The following LYPLAL1 variants were observed in gnomAD, a reference collection of about 807,000 sequenced individuals.
The protein encoded by LYPLAL1 is lysophospholipase like 1, also known as lysophospholipase-like protein 1.
LYPLAL1 carries 23 observed loss-of-function variants against 19.7 expected under a neutral mutation model. The observed-to-expected ratio is 1.17, with a 90% CI of 0.84 to 1.65. The LOEUF is 1.65. Ranked by LOEUF, LYPLAL1 falls within the 40% of genes most tolerant of loss-of-function variation. The pLI, the probability that LYPLAL1 is intolerant of heterozygous loss-of-function variation, is 0.00. For synonymous variants in LYPLAL1, 119 were observed against 96.3 expected, an observed-to-expected ratio of 1.24 and a Z score of -1.38; for missense variants, 355 against 279.4, an observed-to-expected ratio of 1.27 and a Z score of -1.93.
At chr1:219,312,594 G>T in the LYPLAL1 span, among the ~76,000 whole-genome samples, 3 of 152,160 alleles carry the variant, frequency 2.0e-5, no homozygotes, top group East Asian at 3.8e-4. Flanking sequence ...CAGTTCATCG[G>T]CACAGCTTCA....
chr1:219,204,181 A>G (rs1010473804), intron 3 of LYPLAL1, among the ~76,000 whole-genome samples: 12 of 152,206 alleles, frequency 7.9e-5, no homozygotes, highest in African/African-American at 2.9e-4. Context: ...TTTATGTTTC[A>G]TATGATTCTA....
At chr1:219,444,025 G>A in the LYPLAL1 span, among the ~76,000 whole-genome samples, 1 of 152,090 alleles carries the variant, frequency 6.6e-6, no homozygotes, top group Non-Finnish European at 1.5e-5. Flanking sequence ...GACATGGGGA[G>A]GACATGCAAA....
At chr1:219,341,680 CTT>C in the LYPLAL1 span, among the ~76,000 whole-genome samples, 3 of 151,978 alleles carry the variant, frequency 2.0e-5, no homozygotes, top group Non-Finnish European at 4.4e-5. Flanking sequence ...AAAGAATACA[CTT>C]ATCATTTTTT....
At chr1:219,265,573 A>G in the LYPLAL1 span, among the ~76,000 whole-genome samples, 3 of 152,198 alleles carry the variant, frequency 2.0e-5, no homozygotes, top group African/African-American at 4.8e-5. Flanking sequence ...TTTTAATAAC[A>G]TTAGCATTTT....
At chr1:219,274,192 G>A in the LYPLAL1 span, among the ~76,000 whole-genome samples, 1 of 152,190 alleles carries the variant, frequency 6.6e-6, no homozygotes, top group Non-Finnish European at 1.5e-5. Flanking sequence ...TGGGATAGTG[G>A]AGTCAATCGT....
At chr1:219,302,891 C>G in the LYPLAL1 span, among the ~76,000 whole-genome samples, 24 of 152,260 alleles carry the variant, frequency 1.6e-4, no homozygotes, top group Non-Finnish European at 3.5e-4. Context: ...CATGCATTAG[C>G]CATTCACCAC....
the LYPLAL1 span, among the ~76,000 whole-genome samples, chr1:219,412,783 C>T: frequency 6.6e-6 from 1 of 152,186 alleles, no homozygotes; most frequent in Non-Finnish European, 1.5e-5. Context: ...GTTACCGACA[C>T]AGGCAAGATG....
At chr1:219,191,741 T>TAA (rs1296986303) in intron 2 of LYPLAL1, among the ~76,000 whole-genome samples, 2 of 151,460 alleles carry the variant, frequency 1.3e-5, no homozygotes, top group African/African-American at 2.4e-5. Context: ...TATATATATA[T>TAA]AATCTCATAT....
chr1:219,251,460 A>G, the LYPLAL1 span, among the ~76,000 whole-genome samples: 1 of 151,962 alleles, frequency 6.6e-6, no homozygotes, highest in Non-Finnish European at 1.5e-5. Flanking sequence ...TGCATGTGGC[A>G]TAAGGAAAGG....
chr1:219,429,632 G>T, the LYPLAL1 span, among the ~76,000 whole-genome samples: 1 of 152,120 alleles, frequency 6.6e-6, no homozygotes, highest in African/African-American at 2.4e-5. Context: ...AGTCCAGCCT[G>T]GGTGGCAGAG....
chr1:219,210,470 A>G (rs1322341791), intron 3 of LYPLAL1, 62 bp from the exon 4 acceptor site: 2 of 1,101,436 alleles, frequency 1.8e-6, no homozygotes, highest in Non-Finnish European at 2.6e-6. Flanking sequence ...GAAAATTGTT[A>G]TATATCATAT....
chr1:219,333,295 C>T, the LYPLAL1 span, among the ~76,000 whole-genome samples: 1 of 152,188 alleles, frequency 6.6e-6, no homozygotes, highest in East Asian at 1.9e-4. Flanking sequence ...TTTGGAAGAT[C>T]CATTACTCTG....
At chr1:219,398,361 A>T in the LYPLAL1 span, among the ~76,000 whole-genome samples, 1 of 152,056 alleles carries the variant, frequency 6.6e-6, no homozygotes, top group South Asian at 2.1e-4. Context: ...AATACTTGTG[A>T]TTGTATTATG....
the LYPLAL1 span, among the ~76,000 whole-genome samples, chr1:219,362,193 C>T: frequency 6.6e-6 from 1 of 152,140 alleles, no homozygotes; most frequent in Non-Finnish European, 1.5e-5. Flanking sequence ...GACCTCTACT[C>T]CAAGCCCATT....
At chr1:219,346,170 A>C in the LYPLAL1 span, among the ~76,000 whole-genome samples, 1 of 152,158 alleles carries the variant, frequency 6.6e-6, no homozygotes, top group Admixed American at 6.5e-5. Flanking sequence ...AGCCAAGGAG[A>C]TGAGAGATCA....
the LYPLAL1 span, among the ~76,000 whole-genome samples, chr1:219,290,707 C>G: frequency 6.6e-6 from 1 of 152,154 alleles, no homozygotes; most frequent in Non-Finnish European, 1.5e-5. Context: ...AATAAACTCG[C>G]TTTCATTTTG....
chr1:219,240,952 C>A, the LYPLAL1 span, among the ~76,000 whole-genome samples: 1 of 151,642 alleles, frequency 6.6e-6, no homozygotes, highest in Admixed American at 6.6e-5. Flanking sequence ...TCCAGCTATT[C>A]AGGGACGCTT....
chr1:219,347,004 T>C, the LYPLAL1 span, among the ~76,000 whole-genome samples: 1 of 152,224 alleles, frequency 6.6e-6, no homozygotes, highest in Non-Finnish European at 1.5e-5. Context: ...CATGTGTTTT[T>C]AAACCACACA....
At chr1:219,259,795 A>G in the LYPLAL1 span, among the ~76,000 whole-genome samples, 3 of 151,606 alleles carry the variant, frequency 2.0e-5, no homozygotes, top group Non-Finnish European at 4.4e-5. Flanking sequence ...AAAAAAATAT[A>G]TAAATAAATT....
Sources: gnomAD v4.1 joint callset for allele counts (sites outside exome capture counted in the v4.1 genomes callset) on GRCh38, gnomAD v4.1.1 for gene constraint, MANE v1.5 for transcripts, NCBI Gene and HGNC (gene_info 2026-07-23, HGNC 2026-07-21) for gene names.